CDH13: variants seen among roughly 807,000 people sequenced by gnomAD.
CDH13 encodes cadherin 13.
CDH13 carries 24 observed loss-of-function variants against 63.8 expected under a neutral mutation model. The ratio of observed to expected loss-of-function variants is 0.38; its 90% confidence interval spans 0.27 to 0.53. The LOEUF (loss-of-function observed/expected upper bound fraction) is 0.53. Ranked by LOEUF, CDH13 falls within the 20% of genes least tolerant of loss-of-function variation. The pLI is 0.85. For synonymous variants in CDH13, 503 were observed against 355.3 expected (o/e 1.42, Z -4.67); for missense variants, 1,049 against 903.1 (o/e 1.16, Z -2.07).
chr16:82,753,851 A>G (rs1415871675), intron 1 of CDH13, among the ~76,000 whole-genome samples: 3 of 152,158 alleles, frequency 2.0e-5, no homozygotes, highest in Admixed American at 6.5e-5. Flanking sequence ...AGTCCTGGGC[A>G]CCCCATCTCC....
intron 2 of CDH13, among the ~76,000 whole-genome samples, chr16:82,923,827 C>A (rs115411811): frequency 1.4e-3 from 220 of 152,222 alleles, no homozygotes; most frequent in African/African-American, 4.6e-3. Context: ...TTGAAACGAA[C>A]ATTGGTTGTA....
chr16:83,371,866 T>C (rs1466911495), intron 6 of CDH13, among the ~76,000 whole-genome samples: 2 of 152,184 alleles, frequency 1.3e-5, no homozygotes, highest in Admixed American at 1.3e-4. Flanking sequence ...CTATGAAGAT[T>C]AGAGCAATGT....
intron 1 of CDH13, among the ~76,000 whole-genome samples, chr16:82,673,589 A>G (rs1273541266): frequency 2.0e-5 from 3 of 152,234 alleles, no homozygotes; most frequent in Non-Finnish European, 2.9e-5. Context: ...CATGAAAGTC[A>G]TGAAAGGGAG....
chr16:83,716,380 A>G (rs1908901756), intron 10 of CDH13, among the ~76,000 whole-genome samples: 5 of 152,244 alleles, frequency 3.3e-5, no homozygotes, highest in Admixed American at 2.0e-4. Flanking sequence ...AATACCATGC[A>G]GAGTAGTTTC....
At chr16:82,637,344 C>G (rs1044493347) in intron 1 of CDH13, among the ~76,000 whole-genome samples, 6 of 148,638 alleles carry the variant, frequency 4.0e-5, no homozygotes, top group Admixed American at 6.7e-5. Flanking sequence ...CTTTTCTCAA[C>G]AAAGATATTT....
At chr16:83,690,903 A>G (rs1394557006) in intron 10 of CDH13, among the ~76,000 whole-genome samples, 2 of 151,938 alleles carry the variant, frequency 1.3e-5, no homozygotes, top group Non-Finnish European at 2.9e-5. Flanking sequence ...TGTATTTTTA[A>G]TAAAGATGGG....
intron 7 of CDH13, among the ~76,000 whole-genome samples, chr16:83,572,175 G>GGTGTGTGTGTGTGTGTGT (rs71148844): frequency 8.9e-5 from 13 of 145,694 alleles, no homozygotes; most frequent in East Asian, 2.1e-4. Context: ...ACTTTCCTGT[G>GGTGTGTGTGTGTGTGTGT]GTGTGTGTGT....
At chr16:82,933,799 A>G (rs2042578213) in intron 2 of CDH13, among the ~76,000 whole-genome samples, 1 of 152,214 alleles carries the variant, frequency 6.6e-6, no homozygotes, top group Non-Finnish European at 1.5e-5. Flanking sequence ...AAATCCAACA[A>G]GGCAGTAATT....
intron 1 of CDH13, among the ~76,000 whole-genome samples, chr16:82,715,353 G>A (rs772659603): frequency 5.9e-5 from 9 of 152,160 alleles, no homozygotes; most frequent in East Asian, 1.9e-4. Flanking sequence ...AAGTCAGGGC[G>A]TCTGTTTGTT....
intron 4 of CDH13, among the ~76,000 whole-genome samples, chr16:83,196,008 C>G (rs574071794): frequency 6.6e-6 from 1 of 152,324 alleles, no homozygotes; most frequent in African/African-American, 2.4e-5. Flanking sequence ...GTAATCCCAG[C>G]ACTTTGGGAG....
intron 2 of CDH13, among the ~76,000 whole-genome samples, chr16:83,018,793 C>G (rs1915060428): frequency 1.3e-5 from 2 of 152,342 alleles, no homozygotes; most frequent in East Asian, 1.9e-4. Flanking sequence ...CGGTGCTGTA[C>G]TGAGTGCTAT....
chr16:83,031,123 C>T (rs963571884), intron 2 of CDH13, among the ~76,000 whole-genome samples: 1 of 149,172 alleles, frequency 6.7e-6, no homozygotes, highest in Non-Finnish European at 1.5e-5. Context: ...TACATGTATA[C>T]ATTACATGCA....
At chr16:83,357,518 G>A (rs1405711365) in intron 6 of CDH13, among the ~76,000 whole-genome samples, 3 of 152,100 alleles carry the variant, frequency 2.0e-5, no homozygotes, top group African/African-American at 4.8e-5. Context: ...ACTACTGCTG[G>A]CAGAGTCGTG....
intron 4 of CDH13, among the ~76,000 whole-genome samples, chr16:83,126,110 G>A (rs986521975): frequency 6.6e-6 from 1 of 152,188 alleles, no homozygotes; most frequent in African/African-American, 2.4e-5. Context: ...ATCAAATTTT[G>A]AGCAGTTTGT....
At chr16:83,094,040 G>T (rs1482173056) in intron 3 of CDH13, among the ~76,000 whole-genome samples, 1 of 152,164 alleles carries the variant, frequency 6.6e-6, no homozygotes. Context: ...TAAAGAGGTA[G>T]ACCCATTTTT....
At chr16:83,614,150 C>G (rs1464099732) in intron 8 of CDH13, among the ~76,000 whole-genome samples, 1 of 152,154 alleles carries the variant, frequency 6.6e-6, no homozygotes, top group Non-Finnish European at 1.5e-5. Flanking sequence ...AGTAGAGGCT[C>G]TGGCTGATGA....
chr16:83,118,682 T>A (rs2035425365), intron 3 of CDH13, among the ~76,000 whole-genome samples: 1 of 152,178 alleles, frequency 6.6e-6, no homozygotes, highest in African/African-American at 2.4e-5. Context: ...CAGACCACTT[T>A]CACATGCAGC....
chr16:83,595,942 T>C (rs1478977305), intron 7 of CDH13, among the ~76,000 whole-genome samples: 2 of 152,206 alleles, frequency 1.3e-5, no homozygotes, highest in Non-Finnish European at 2.9e-5. Context: ...AGCGTTGAAG[T>C]CAGGGGCCAT....
intron 5 of CDH13, among the ~76,000 whole-genome samples, chr16:83,341,291 T>C (rs1199626648): frequency 1.3e-5 from 2 of 152,226 alleles, no homozygotes; most frequent in Non-Finnish European, 2.9e-5. Flanking sequence ...TTATTGAACA[T>C]TTATTCTCTG....
Sources: allele counts gnomAD v4.1 joint callset (sites outside exome capture counted in the v4.1 genomes callset), GRCh38; gene constraint gnomAD v4.1.1; transcripts MANE v1.5; gene names NCBI Gene and HGNC (gene_info 2026-07-23, HGNC 2026-07-21).